EVA1A: variants seen among roughly 807,000 people sequenced by gnomAD.
EVA1A encodes the protein protein eva-1 homolog A.
A neutral mutation model predicts 9.8 loss-of-function variants in EVA1A; 7 were observed. The ratio of observed to expected loss-of-function variants is 0.71; its 90% CI spans 0.41 to 1.34. The LOEUF is 1.34. Among genes scored for constraint, EVA1A ranks in the 40% most tolerant of loss-of-function variants. The probability of loss-of-function intolerance (pLI) is 0.01; values close to 1 mark genes in which losing one functional copy is unlikely to be tolerated. For synonymous variants in EVA1A, 90 were observed against 85.6 expected, an observed-to-expected ratio of 1.05 and a Z score of -0.28; for missense variants, 206 against 205.9, an observed-to-expected ratio of 1.00 and a Z score of 0.00.
At chr2:75,554,232 G>T (rs907104514) in intron 1 of EVA1A, among the ~76,000 whole-genome samples, 3 of 152,224 alleles carry the variant, frequency 2.0e-5, no homozygotes, top group African/African-American at 7.2e-5. Context: ...TTAAATTACA[G>T]CAGGTGTTTT....
intron 1 of EVA1A, among the ~76,000 whole-genome samples, chr2:75,537,908 C>A (rs1426336978): frequency 6.6e-6 from 1 of 152,204 alleles, no homozygotes; most frequent in Non-Finnish European, 1.5e-5. Context: ...GTACAGTCTG[C>A]AGAATGATGA....
At position 75,492,411 on chromosome 2, in the gene EVA1A, T is replaced by TAAAAAAAAAAAAA. The variant is rs3081153; in HGVS notation, c.*812_*824dup. The TAAAAAAAAAAAAA allele has an allele frequency of 1.4e-5, 2 of 138,322 alleles. No homozygotes were observed. The highest frequency in any genetic ancestry group is 3.1e-5 in the Non-Finnish European group (2 of 64,880). 8.6% of individuals were successfully genotyped at this position (138,322 alleles called of 1,614,324 possible). On this transcript the variant is annotated 3_prime_UTR_variant, in exon 4 of 4. Transcript: ENST00000393913. ...TCCATTCTTTTCTTTGAAATCCAAT[T>TAAAAAAAAAAAAA]AAAAAAAAAAAAAAAAACAAAGTGT...
intron 1 of EVA1A, among the ~76,000 whole-genome samples, chr2:75,529,987 T>C (rs527503437): frequency 1.3e-5 from 2 of 152,280 alleles, no homozygotes; most frequent in East Asian, 1.9e-4. Context: ...ATAAACAAAA[T>C]TGTTAGACCA....
intron 1 of EVA1A, among the ~76,000 whole-genome samples, chr2:75,559,866 G>A (rs1676861405): frequency 6.6e-6 from 1 of 152,058 alleles, no homozygotes; most frequent in Non-Finnish European, 1.5e-5. Context: ...TTGCCCGTTT[G>A]TAAAATAGGG....
chr2:75,517,692 CTGTG>C, intron 3 of EVA1A: 1 of 664,750 alleles, frequency 1.5e-6, no homozygotes, highest in Non-Finnish European at 2.8e-6. Context: ...CACAGGCAGC[CTGTG>C]TGAGGTTAAC....
At chr2:75,524,200 T>C (rs577782165) in intron 1 of EVA1A, 2 of 152,248 alleles carry the variant, frequency 1.3e-5, no homozygotes, top group Non-Finnish European at 2.9e-5. Context: ...GTCACGGGTA[T>C]ATCTTTATTA....
At chr2:75,547,767 T>C (rs72816731) in intron 1 of EVA1A, among the ~76,000 whole-genome samples, 4,005 of 152,188 alleles carry the variant, frequency 0.026, 62 homozygotes, top group Non-Finnish European at 0.037. Context: ...TCTCTCCCCA[T>C]CCTCCAATTC....
At chr2:75,560,435 AG>A (rs551884361) in intron 1 of EVA1A, among the ~76,000 whole-genome samples, 1 of 152,064 alleles carries the variant, frequency 6.6e-6, no homozygotes, top group African/African-American at 2.4e-5. Context: ...AGAAAGAAGC[AG>A]GGGGGGCGAG....
Position 75,493,431 on chromosome 2 carries a change from A to G in EVA1A, c.264T>C (p.Ser88=). ...SSDSSDSEDG[S]EDTVSDLSVR... Reference sequence around the variant, plus strand: ...CGGAGAGATCGGACACGGTGTCCTCACTGCCATCCTCGCTGTCGCTGCTGT... The same window carrying G: ...CGGAGAGATCGGACACGGTGTCCTCGCTGCCATCCTCGCTGTCGCTGCTGT... The change falls in exon 4 of 4, where the codon AGT becomes AGC. Residue 88 remains serine, a synonymous_variant. Transcript: ENST00000393913. 6.2e-7 allele frequency: 1 copy of G among 1,613,960 alleles called. No individual in the cohort carries two copies. Among genetic ancestry groups the G allele is most frequent in the South Asian group, 1.1e-5 (1 of 91,086 alleles).
intron 1 of EVA1A, among the ~76,000 whole-genome samples, chr2:75,549,679 C>G (rs944914012): frequency 6.6e-5 from 10 of 152,158 alleles, no homozygotes; most frequent in Non-Finnish European, 1.2e-4. Flanking sequence ...TTTCCTGATA[C>G]CTGAAGGCTC....
At chr2:75,526,592 C>A (rs1215534965) in intron 1 of EVA1A, among the ~76,000 whole-genome samples, 1 of 152,164 alleles carries the variant, frequency 6.6e-6, no homozygotes, top group African/African-American at 2.4e-5. Flanking sequence ...CTTAGTCAGT[C>A]CAACTCCAGT....
chr2:75,554,599 T>G (rs981146561), intron 1 of EVA1A, among the ~76,000 whole-genome samples: 3 of 152,220 alleles, frequency 2.0e-5, no homozygotes, highest in African/African-American at 7.2e-5. Context: ...GCTCAGAGTT[T>G]GGTGCCCTGG....
chr2:75,566,912 A>C (rs1339575236), intron 1 of EVA1A, among the ~76,000 whole-genome samples: 1 of 151,928 alleles, frequency 6.6e-6, no homozygotes, highest in Non-Finnish European at 1.5e-5. Flanking sequence ...TACATTTTTC[A>C]TCTTGGCTAA....
intron 3 of EVA1A, among the ~76,000 whole-genome samples, chr2:75,497,916 A>T (rs1461185380): frequency 6.6e-6 from 1 of 151,042 alleles, no homozygotes; most frequent in African/African-American, 2.4e-5. Flanking sequence ...AGCAGCATGG[A>T]GATTTCTCAA....
chr2:75,562,725 T>C (rs1050106791), upstream of EVA1A, among the ~76,000 whole-genome samples: 4 of 152,236 alleles, frequency 2.6e-5, no homozygotes, highest in African/African-American at 9.6e-5. Flanking sequence ...TCTCCAGCTT[T>C]CCAGCAGGCA....
intron 1 of EVA1A, among the ~76,000 whole-genome samples, chr2:75,532,824 C>T (rs574519161): frequency 8.1e-4 from 124 of 152,284 alleles, no homozygotes; most frequent in Middle Eastern, 3.4e-3. Flanking sequence ...TGTGAAGACA[C>T]ACTGTAATTA....
rs185726009 is a variant in EVA1A at position 75,544,637 on chromosome 2, C to T, written c.-192+16043G>A. On this transcript the variant is annotated intron_variant, in intron 1 of 3. Coordinates refer to ENST00000393913, the MANE Select transcript of EVA1A (RefSeq NM_001135032.2). The stretch of plus-strand genomic sequence containing the variant: ...GAGTTTCTGAAAAAAAAATTAACAA[C>T]ATAATTAACCTCTCATGATGATACA... Among the ~76,000 whole-genome samples, 7 of 152,200 alleles carry T rather than the reference C, an allele frequency of 4.6e-5. No individual in the cohort carries two copies. The East Asian group carries it at 1.3e-3, about 29-fold the overall frequency.
intron 3 of EVA1A, among the ~76,000 whole-genome samples, chr2:75,516,021 G>A (rs1036400691): frequency 2.0e-5 from 3 of 152,220 alleles, no homozygotes; most frequent in Non-Finnish European, 2.9e-5. Flanking sequence ...AAGGGACCAC[G>A]TGGATAGGAG....
At position 75,493,264 on chromosome 2, in the gene EVA1A, C is replaced by A. The variant is rs767429995; in HGVS notation, c.431G>T (p.Gly144Val). ...ATAGTAGCGATTCAGGCTCCTGGTC[C>A]CGGGCACCTCAGGCTGGCCATTCAT... ...IWMNGQPEVP[G>V]TRSLNRYY The change falls in exon 4 of 4, where the codon GGG becomes GTG. Residue 144 changes from glycine (G) to valine (V), a missense_variant. By Grantham distance (109) the Gly-to-Val change is moderately radical. Transcript: ENST00000393913. 30 of 1,613,606 alleles carry A rather than the reference C, an allele frequency of 1.9e-5. No individual in the cohort carries two copies. The East Asian group carries it at 3.1e-4, about 17-fold the overall frequency.
Sources: gnomAD v4.1 joint callset for allele counts (sites outside exome capture counted in the v4.1 genomes callset) on GRCh38, gnomAD v4.1.1 for gene constraint, MANE v1.5 for transcripts, NCBI Gene and HGNC (gene_info 2026-07-23, HGNC 2026-07-21) for gene names.